Variants in CCDC12 observed in about 807,000 individuals in gnomAD.
CCDC12 encodes coiled-coil domain-containing protein 12.
Under a neutral mutation model 25.7 loss-of-function variants are expected in CCDC12, and 28 were observed. The ratio of observed to expected loss-of-function variants is 1.09; its 90% confidence interval spans 0.81 to 1.50. CCDC12 has a LOEUF of 1.50. Among genes scored for constraint, CCDC12 ranks in the 40% most tolerant of loss-of-function variants. The pLI is 0.00. For missense variants in CCDC12, 198 were observed against 210.0 expected (o/e 0.94, Z 0.35); for synonymous variants, 75 against 87.7 (o/e 0.86, Z 0.81).
chr3:46,967,051 G>A lies in CCDC12; in HGVS notation c.96+9586C>T, dbSNP rs182827926. Among the ~76,000 whole-genome samples the A allele has an allele frequency of 4.8e-4, 73 of 152,200 alleles. 1 individual carries two copies. The highest frequency in any genetic ancestry group is 2.7e-3 in the Admixed American group (42 of 15,298). On this transcript the variant is annotated intron_variant, in intron 1 of 6. Transcript: ENST00000683445. Reference sequence around the variant, plus strand: ...CTAAGCTCTGTCACCAGAGGGCCTCGTCTAGCCCCAGGGCTTGATATCCTG... The same window carrying A: ...CTAAGCTCTGTCACCAGAGGGCCTCATCTAGCCCCAGGGCTTGATATCCTG...
At chr3:46,941,508 T>C (rs2033706212) in intron 1 of CCDC12, among the ~76,000 whole-genome samples, 1 of 148,790 alleles carries the variant, frequency 6.7e-6, no homozygotes, top group African/African-American at 2.5e-5. Context: ...GAGCTTGCAG[T>C]GAGCCGAGAT....
chr3:46,978,189 T>C (rs1448708595), upstream of CCDC12, among the ~76,000 whole-genome samples: 1 of 152,190 alleles, frequency 6.6e-6, no homozygotes, highest in Non-Finnish European at 1.5e-5. Flanking sequence ...CTAACCCTCT[T>C]GTCCTCACTA....
At chr3:46,930,065 GGGTC>G (rs1366540845) in intron 2 of CCDC12, among the ~76,000 whole-genome samples, 1 of 151,532 alleles carries the variant, frequency 6.6e-6, no homozygotes, top group East Asian at 1.9e-4. Context: ...AAAGAGATGG[GGGTC>G]TCCCTATGTT....
chr3:46,941,564 CAAA>C (rs11306063), intron 1 of CCDC12, among the ~76,000 whole-genome samples: 7 of 135,988 alleles, frequency 5.1e-5, no homozygotes, highest in Non-Finnish European at 6.3e-5. Flanking sequence ...GACTCCATCT[CAAA>C]AAAAAAAAAA....
intron 1 of CCDC12, among the ~76,000 whole-genome samples, chr3:46,966,303 A>G (rs2034638505): frequency 6.6e-6 from 1 of 152,358 alleles, no homozygotes; most frequent in Middle Eastern, 3.4e-3. Context: ...ACTTGAGACC[A>G]GGAGTTTGAG....
intron 2 of CCDC12, among the ~76,000 whole-genome samples, chr3:46,934,885 G>A (rs1218405994): frequency 2.6e-5 from 4 of 152,224 alleles, no homozygotes; most frequent in African/African-American, 4.8e-5. Flanking sequence ...CGCCCTGGTC[G>A]GTACCACTAC....
chr3:46,960,680 A>G (rs1013046867), intron 1 of CCDC12, among the ~76,000 whole-genome samples: 3 of 152,186 alleles, frequency 2.0e-5, no homozygotes, highest in Non-Finnish European at 4.4e-5. Flanking sequence ...AAACAAAACC[A>G]GGGAGAAGCC....
chr3:46,934,071 C>T (rs2033344244), intron 2 of CCDC12, among the ~76,000 whole-genome samples: 1 of 152,146 alleles, frequency 6.6e-6, no homozygotes, highest in Admixed American at 6.5e-5. Context: ...AGGCGTGAGC[C>T]ACAGCACCCG....
At chr3:46,954,286 G>T (rs547661677) in intron 1 of CCDC12, among the ~76,000 whole-genome samples, 1 of 152,322 alleles carries the variant, frequency 6.6e-6, no homozygotes, top group East Asian at 1.9e-4. Context: ...TGGTAGATAG[G>T]ATCCTTAGGC....
At chr3:46,923,122 G>A (rs973253808) in intron 5 of CCDC12, 8 of 453,572 alleles carry the variant, frequency 1.8e-5, no homozygotes, top group East Asian at 1.1e-4. Context: ...TGCTCCCCGC[G>A]CCTGAGCCCC....
intron 2 of CCDC12, among the ~76,000 whole-genome samples, chr3:46,935,741 C>T (rs892499992): frequency 6.6e-6 from 1 of 152,202 alleles, no homozygotes; most frequent in African/African-American, 2.4e-5. Flanking sequence ...GGTAGGAATG[C>T]ATCCTTTCTT....
intron 2 of CCDC12, among the ~76,000 whole-genome samples, chr3:46,934,259 A>G (rs980806119): frequency 4.5e-4 from 69 of 152,320 alleles, no homozygotes; most frequent in Non-Finnish European, 1.3e-4. Context: ...CCCAGGGCCC[A>G]ATCTAGCCCA....
At chr3:46,953,294 T>C (rs533101517) in intron 1 of CCDC12, among the ~76,000 whole-genome samples, 1 of 152,132 alleles carries the variant, frequency 6.6e-6, no homozygotes, top group Non-Finnish European at 1.5e-5. Context: ...GGCATTAAAA[T>C]AGCGAGGCAG....
upstream of CCDC12, chr3:46,976,998 A>T (rs1275049704): frequency 9.2e-6 from 5 of 546,178 alleles, no homozygotes; most frequent in African/African-American, 7.9e-5. Flanking sequence ...GGCTCGATTT[A>T]TCCAACGCTG....
At chr3:46,960,026 C>T (rs893872556) in intron 1 of CCDC12, among the ~76,000 whole-genome samples, 4 of 152,184 alleles carry the variant, frequency 2.6e-5, no homozygotes, top group African/African-American at 7.2e-5. Flanking sequence ...CTCCACGCGA[C>T]ATGCATGCAA....
At chr3:46,972,967 TCTCC>T (rs923959864) in intron 1 of CCDC12, among the ~76,000 whole-genome samples, 6 of 151,468 alleles carry the variant, frequency 4.0e-5, no homozygotes, top group African/African-American at 1.5e-4. Context: ...ATTACATTCC[TCTCC>T]CTGCTATATA....
intron 1 of CCDC12, among the ~76,000 whole-genome samples, chr3:46,962,897 A>G (rs565840332): frequency 6.6e-6 from 1 of 152,310 alleles, no homozygotes; most frequent in East Asian, 1.9e-4. Context: ...GTTCACCAAG[A>G]CATGTACAAG....
At chr3:46,939,020 T>C (rs2033583087) in intron 2 of CCDC12, among the ~76,000 whole-genome samples, 1 of 152,178 alleles carries the variant, frequency 6.6e-6, no homozygotes, top group Non-Finnish European at 1.5e-5. Flanking sequence ...GCTTCTTCGT[T>C]AACAGCCTGT....
At chr3:46,949,741 C>A (rs368378625) in intron 1 of CCDC12, among the ~76,000 whole-genome samples, 1 of 152,180 alleles carries the variant, frequency 6.6e-6, no homozygotes, top group African/African-American at 2.4e-5. Context: ...TGAAAAACTG[C>A]CTGCTGGCCG....
Sources: gnomAD v4.1 joint callset for allele counts (sites outside exome capture counted in the v4.1 genomes callset) on GRCh38, gnomAD v4.1.1 for gene constraint, MANE v1.5 for transcripts, NCBI Gene and HGNC (gene_info 2026-07-23, HGNC 2026-07-21) for gene names.